The following MYCBP2 variants were observed in gnomAD, a reference collection of about 807,000 sequenced individuals.
The protein encoded by MYCBP2 is E3 ubiquitin-protein ligase MYCBP2.
A neutral mutation model predicts 525.3 loss-of-function variants in MYCBP2; 120 were observed. The observed-to-expected ratio is 0.23, with a 90% CI of 0.20 to 0.27. The LOEUF (loss-of-function observed/expected upper bound fraction) is 0.27, where lower values mean the gene tolerates loss of function less well. Among genes scored for constraint, MYCBP2 ranks in the 10% least tolerant of loss-of-function variants. MYCBP2 has a pLI of 1.00. For synonymous variants in MYCBP2, 1,894 were observed against 1,955.8 expected, an observed-to-expected ratio of 0.97 and a Z score of 0.83; for missense variants, 4,149 against 5,657.1, an observed-to-expected ratio of 0.73 and a Z score of 8.55.
At position 77,173,957 on chromosome 13, in the gene MYCBP2, C is replaced by T. The variant is rs896514274; in HGVS notation, c.5651+354G>A. Among the ~76,000 whole-genome samples, 55 of 152,176 alleles carry T rather than the reference C, an allele frequency of 3.6e-4. 1 individual carries two copies. On this transcript the variant is annotated intron_variant, in intron 37 of 82. Transcript: ENST00000544440. Reference sequence around the variant, plus strand: ...GGCAACACCACTATCTGAGTACAGTCTATCTGATCATTAGTTTGAGGTATT... The same window carrying T: ...GGCAACACCACTATCTGAGTACAGTTTATCTGATCATTAGTTTGAGGTATT...
At chr13:77,175,009 G>T (rs747194205) in intron 36 of MYCBP2, among the ~76,000 whole-genome samples, 3 of 136,606 alleles carry the variant, frequency 2.2e-5, no homozygotes, top group Non-Finnish European at 4.6e-5. Context: ...AGCCTGGAGT[G>T]CAGTGGTGCA....
In MYCBP2 at chr13:77,169,689, A is replaced by G. The variant is rs780270379; in HGVS notation, c.5820T>C (p.Ser1940=). ...GCAGCATGGAAAACAGACTGGAAGA[A>G]CTCAGCAGTTCTGGAATGTCATCAG... ...VDADDIPELL[S]SSSLFSMLLP... is the part of the protein sequence containing the mutation. The change falls in exon 39 of 83, where the codon AGT becomes AGC. Residue 1940 remains serine (S), a synonymous_variant. Coordinates refer to ENST00000544440, the MANE Select transcript of MYCBP2 (RefSeq NM_015057.5). The G allele has an allele frequency of 6.2e-7, 1 of 1,614,052 alleles. No individual in the cohort carries two copies. Among genetic ancestry groups the G allele is most frequent in the South Asian group, 1.1e-5 (1 of 91,078 alleles).
chr13:77,164,637 A>C (rs2058326826), intron 42 of MYCBP2, 96 bp from the exon 43 acceptor site: 3 of 770,072 alleles, frequency 3.9e-6, no homozygotes, highest in Non-Finnish European at 6.8e-6. Flanking sequence ...TTACTTTTGA[A>C]ATGAGAAGGA....
chr13:77,095,638 C>A, intron 57 of MYCBP2, 36 bp from the exon 58 acceptor site: 1 of 1,595,694 alleles, frequency 6.3e-7, no homozygotes, highest in South Asian at 1.1e-5. Context: ...TCTTTTCTGA[C>A]TTACATTAAA....
chr13:77,250,341 A>G (rs1232613137), intron 15 of MYCBP2, among the ~76,000 whole-genome samples: 1 of 152,222 alleles, frequency 6.6e-6, no homozygotes, highest in African/African-American at 2.4e-5. Context: ...AGATCCAGAC[A>G]ATATTTGGGA....
At chr13:77,276,216 A>G (rs558800056) in intron 4 of MYCBP2, among the ~76,000 whole-genome samples, 8 of 152,358 alleles carry the variant, frequency 5.3e-5, no homozygotes, top group African/African-American at 1.9e-4. Flanking sequence ...TTTTAAATAG[A>G]TAATTTAAAA....
At chr13:77,083,622 T>A (rs1159643500) in intron 62 of MYCBP2, among the ~76,000 whole-genome samples, 2 of 152,110 alleles carry the variant, frequency 1.3e-5, no homozygotes, top group Non-Finnish European at 2.9e-5. Flanking sequence ...TCATACAGCA[T>A]TTTTATGTGA....
chr13:77,278,074 A>G (rs572579359), intron 4 of MYCBP2, among the ~76,000 whole-genome samples: 6 of 152,208 alleles, frequency 3.9e-5, no homozygotes, highest in Non-Finnish European at 8.8e-5. Context: ...GAAAGTTGCT[A>G]AGTCAGAAGT....
At chr13:77,234,464 T>C (rs17067332) in intron 17 of MYCBP2, among the ~76,000 whole-genome samples, 13,758 of 151,986 alleles carry the variant, frequency 0.091, 793 homozygotes, top group African/African-American at 0.16. Context: ...CTTCATTAAA[T>C]GTACAAGTGG....
intron 18 of MYCBP2, 44 bp from the exon 19 acceptor site, chr13:77,225,598 A>G (rs770026098): frequency 1.9e-6 from 3 of 1,601,524 alleles, no homozygotes; most frequent in East Asian, 4.5e-5. Flanking sequence ...GCCATTATTC[A>G]TCTTCAAAAT....
intron 26 of MYCBP2, among the ~76,000 whole-genome samples, chr13:77,199,973 A>G (rs1326350129): frequency 2.0e-5 from 3 of 152,252 alleles, no homozygotes; most frequent in African/African-American, 7.2e-5. Flanking sequence ...GAAACTCTAA[A>G]AAGCAGAGCA....
At chr13:77,246,902 T>C (rs898396273) in intron 15 of MYCBP2, among the ~76,000 whole-genome samples, 11 of 152,032 alleles carry the variant, frequency 7.2e-5, no homozygotes, top group African/African-American at 2.7e-4. Context: ...ACAAAAAGCA[T>C]TTGACAAAAT....
intron 4 of MYCBP2, among the ~76,000 whole-genome samples, chr13:77,275,005 C>T (rs1477992554): frequency 1.3e-5 from 2 of 151,948 alleles, no homozygotes; most frequent in Non-Finnish European, 2.9e-5. Context: ...TCCATATTTC[C>T]ATCTACCCAT....
At chr13:77,227,481 T>C (rs9574018) in intron 18 of MYCBP2, among the ~76,000 whole-genome samples, 86 of 145,184 alleles carry the variant, frequency 5.9e-4, no homozygotes, top group Middle Eastern at 3.5e-3. Context: ...CACACACACA[T>C]ACACACACAC....
rs564719264 is a variant in MYCBP2, at chr13:77,144,392, T to C, written c.7303+53A>G. On this transcript the variant is annotated intron_variant, in intron 49 of 82. Coordinates refer to ENST00000544440, the MANE Select transcript of MYCBP2 (RefSeq NM_015057.5). ...GGCAAAACTAGAAGATAAAAATAATTTTGACTCTAGTTATTTGAAGTAAGT... is the reference window on the plus strand; with the variant it reads ...GGCAAAACTAGAAGATAAAAATAATCTTGACTCTAGTTATTTGAAGTAAGT... 3 of 1,262,604 alleles carry C rather than the reference T, an allele frequency of 2.4e-6. No homozygotes were observed. In the African/African-American group the frequency reaches 4.5e-5, roughly 19 times the overall value. 78.2% of individuals were successfully genotyped at this position (1,262,604 alleles called of 1,614,324 possible). A position where few individuals can be genotyped will look rare whatever the true frequency, so the allele number is the denominator to read the frequency against.
In MYCBP2 at chr13:77,212,157, C is replaced by T; in HGVS notation, c.3061G>A (p.Gly1021Arg). Residue 1021 changes from glycine (G) to arginine (R), a missense_variant, in exon 22 of 83, where the codon GGA becomes AGA. Gly to Arg is a moderately radical substitution (Grantham distance 125, BLOSUM62 -2). Coordinates refer to ENST00000544440, the MANE Select transcript of MYCBP2 (RefSeq NM_015057.5). ...TCCAAAATTGGTCTGCCCAGTTGTC[C>T]TTTCTAAAAGATTAAATAAACCATA... is the stretch of plus-strand genomic sequence containing the variant. Reference protein sequence around the residue: ...QVFTFGSFSKGQLGRPILDVP... With the variant: ...QVFTFGSFSKRQLGRPILDVP... 1 of 1,613,462 alleles carries T rather than the reference C, an allele frequency of 6.2e-7. No homozygotes were observed. The highest frequency in any genetic ancestry group is 1.3e-5 in the African/African-American group (1 of 74,984).
In MYCBP2 at chr13:77,098,406, A is replaced by C; in HGVS notation, c.8748T>G (p.Asn2916Lys). ...KDSTDSPGSENRAPSPHVVQE... is the reference protein window; with the variant it reads ...KDSTDSPGSEKRAPSPHVVQE... Reference sequence around the variant, plus strand: ...GTACCACATGGGGAGAGGGAGCTCTATTTTCAGATCCAGGGGAATCTGTAG... The same window carrying C: ...GTACCACATGGGGAGAGGGAGCTCTCTTTTCAGATCCAGGGGAATCTGTAG... The change falls in exon 56 of 83, where the codon AAT (asparagine) becomes AAG (lysine). Residue 2916 changes from asparagine to lysine, a missense_variant. Physicochemically the swap from Asn to Lys is moderately conservative, Grantham distance 94 (BLOSUM62 0). Transcript: ENST00000544440. The C allele has an allele frequency of 6.2e-7, 1 of 1,613,460 alleles. No homozygotes were observed. The highest frequency in any genetic ancestry group is 8.5e-7 in the Non-Finnish European group (1 of 1,179,758).
Position 77,139,270 on chromosome 13 carries a change from T to C in MYCBP2, c.7585A>G (p.Met2529Val), listed in dbSNP as rs746877271. 1 of 1,613,926 alleles carries C rather than the reference T, an allele frequency of 6.2e-7. No individual in the cohort carries two copies. The highest frequency in any genetic ancestry group is 1.7e-5 in the Admixed American group (1 of 60,010). ...CACCAGGCTTCAGTGTAACCATTCATGTTAGGGACATACTTCTTTATTGTC... is the reference window on the plus strand; with the variant it reads ...CACCAGGCTTCAGTGTAACCATTCACGTTAGGGACATACTTCTTTATTGTC... ...DETIKKYVPN[M>V]NGYTEAWCLS... The change falls in exon 52 of 83, where the codon ATG becomes GTG. Residue 2529 changes from methionine to valine, a missense_variant. Physicochemically the swap from Met to Val is conservative, Grantham distance 21. Coordinates refer to ENST00000544440, the MANE Select transcript of MYCBP2 (RefSeq NM_015057.5).
At chr13:77,176,239 A>T (rs1427327724) in intron 36 of MYCBP2, among the ~76,000 whole-genome samples, 2 of 152,156 alleles carry the variant, frequency 1.3e-5, no homozygotes, top group African/African-American at 4.8e-5. Flanking sequence ...CATGTGGAAC[A>T]GCAGGTATCC....
Sources: gnomAD v4.1 joint callset for allele counts (sites outside exome capture counted in the v4.1 genomes callset) on GRCh38, gnomAD v4.1.1 for gene constraint, MANE v1.5 for transcripts, NCBI Gene and HGNC (gene_info 2026-07-23, HGNC 2026-07-21) for gene names.